Variants in SEC23B observed in about 807,000 individuals in gnomAD.
SEC23B encodes the protein SEC23 homolog B, COPII component, also known as protein transport protein Sec23B.
SEC23B carries 77 observed loss-of-function variants against 104.3 expected under a neutral mutation model. That is an observed-to-expected ratio of 0.74 (90% confidence interval 0.61 to 0.89). The LOEUF is 0.89. Ranked by LOEUF, SEC23B falls within the 40% of genes least tolerant of loss-of-function variation. The pLI is 0.00. For synonymous variants in SEC23B, 338 were observed against 332.5 expected (o/e 1.02, Z -0.18); for missense variants, 885 against 949.4 (o/e 0.93, Z 0.89).
At chr20:18,521,708 G>C (rs2060085473) in intron 4 of SEC23B, among the ~76,000 whole-genome samples, 1 of 152,086 alleles carries the variant, frequency 6.6e-6, no homozygotes, top group African/African-American at 2.4e-5. Context: ...GGGGAGAAGG[G>C]GAGAGGTCAG....
At chr20:18,533,423 G>C (rs932521610) in intron 11 of SEC23B, among the ~76,000 whole-genome samples, 13 of 152,160 alleles carry the variant, frequency 8.5e-5, no homozygotes, top group Non-Finnish European at 1.5e-4. Flanking sequence ...TCAATGGGAG[G>C]GTAGACCATA....
At chr20:18,542,253 G>GT (rs1386218044) in intron 12 of SEC23B, 43 bp from the exon 13 acceptor site, 3 of 1,544,290 alleles carry the variant, frequency 1.9e-6, no homozygotes, top group Non-Finnish European at 2.7e-6. Flanking sequence ...CCGTGTTTGA[G>GT]TTGCGCCTAT....
chr20:18,514,856 C>T (rs997124007), intron 3 of SEC23B, among the ~76,000 whole-genome samples: 2 of 152,162 alleles, frequency 1.3e-5, no homozygotes, highest in African/African-American at 4.8e-5. Flanking sequence ...TTTTCCTGGA[C>T]TTGCCAATTT....
intron 9 of SEC23B, among the ~76,000 whole-genome samples, chr20:18,530,277 A>T (rs1420747732): frequency 1.3e-5 from 2 of 151,826 alleles, no homozygotes; most frequent in Non-Finnish European, 2.9e-5. Flanking sequence ...TTTGAGAAAC[A>T]GTCTTGCTCT....
intron 19 of SEC23B, among the ~76,000 whole-genome samples, chr20:18,557,532 TTACTC>T (rs1379973822): frequency 1.3e-5 from 2 of 152,098 alleles, no homozygotes; most frequent in African/African-American, 2.4e-5. Context: ...TTTCAACACT[TTACTC>T]TCCTCCATCG....
intron 18 of SEC23B, 53 bp from the exon 19 acceptor site, chr20:18,555,055 T>C: frequency 6.6e-7 from 1 of 1,513,706 alleles, no homozygotes. Flanking sequence ...GTTACATTAA[T>C]ATTAATGTCA....
At chr20:18,522,993 G>A (rs2060097767) in intron 4 of SEC23B, among the ~76,000 whole-genome samples, 2 of 152,026 alleles carry the variant, frequency 1.3e-5, no homozygotes, top group South Asian at 4.1e-4. Flanking sequence ...CGTGAACCCA[G>A]GAGGTGGAAC....
intron 12 of SEC23B, among the ~76,000 whole-genome samples, chr20:18,537,603 G>A (rs999844470): frequency 6.6e-6 from 1 of 152,046 alleles, no homozygotes; most frequent in Non-Finnish European, 1.5e-5. Context: ...GGGGAAGGGG[G>A]GAGGAATAAC....
chr20:18,530,749 T>C lies in SEC23B; in HGVS notation c.1179T>C (p.Thr393=), dbSNP rs761354965. ...LFKQTFQRIF[T]KDFNGDFRMA... Reference sequence around the variant, plus strand: ...AGCAGACATTCCAAAGAATCTTTACTAAAGATTTTAATGGAGATTTCCGAA... The same window carrying C: ...AGCAGACATTCCAAAGAATCTTTACCAAAGATTTTAATGGAGATTTCCGAA... Residue 393 remains threonine, a synonymous_variant, in exon 10 of 20, where the codon ACT becomes ACC. Coordinates refer to ENST00000650089, the MANE Select transcript of SEC23B (RefSeq NM_006363.6). The C allele has an allele frequency of 2.5e-5, 40 of 1,613,532 alleles. No homozygotes were observed. Among genetic ancestry groups the C allele is most frequent in the Non-Finnish European group, 3.3e-5 (39 of 1,179,630 alleles).
intron 12 of SEC23B, among the ~76,000 whole-genome samples, chr20:18,539,442 G>T (rs1221300794): frequency 1.3e-5 from 2 of 148,920 alleles, no homozygotes; most frequent in African/African-American, 4.9e-5. Context: ...CCCAGGAGGC[G>T]GAGGTTGCAG....
At position 18,535,762 on chromosome 20, in the gene SEC23B, A is replaced by G; in HGVS notation, c.1404+20A>G. On this transcript the variant is annotated intron_variant, in intron 12 of 19. Coordinates refer to ENST00000650089, the MANE Select transcript of SEC23B (RefSeq NM_006363.6). ...AATCAGGTGAGTTGGATTTCTTCACATGTCTTCATGTCTTAGTGTCCTGTT... is the reference window on the plus strand; with the variant it reads ...AATCAGGTGAGTTGGATTTCTTCACGTGTCTTCATGTCTTAGTGTCCTGTT... 8 of 1,541,290 alleles carry G rather than the reference A, an allele frequency of 5.2e-6. No individual in the cohort carries two copies. The highest frequency in any genetic ancestry group is 6.3e-6 in the Non-Finnish European group (7 of 1,115,708).
chr20:18,545,546 C>T (rs1052477272), intron 14 of SEC23B, among the ~76,000 whole-genome samples: 4 of 152,160 alleles, frequency 2.6e-5, no homozygotes, highest in African/African-American at 9.7e-5. Context: ...CATTGTGGTT[C>T]AGAAGTCTGC....
At chr20:18,526,276 G>T in intron 7 of SEC23B, 97 bp from the exon 8 acceptor site, 2 of 1,362,102 alleles carry the variant, frequency 1.5e-6, no homozygotes, top group Non-Finnish European at 1.0e-6. Flanking sequence ...AGGACAGCTG[G>T]AGAGAATGCA....
In SEC23B at chr20:18,524,945, G is replaced by A; in HGVS notation, c.614G>A (p.Gly205Asp). The change falls in exon 6 of 20, where the codon GGC becomes GAC. Residue 205 changes from glycine to aspartate, a missense_variant. Gly to Asp is a moderately conservative substitution (Grantham distance 94, BLOSUM62 -1). Coordinates refer to ENST00000650089, the MANE Select transcript of SEC23B (RefSeq NM_006363.6). ...TTTTTTTTTTTTAAGGATATGTTGG[G>A]CCTGACCAAGCCAGCCATGCCCATG... Reference protein sequence around the residue: ...LTAKQIQDMLGLTKPAMPMQQ... With the variant: ...LTAKQIQDMLDLTKPAMPMQQ... 1.2e-6 allele frequency: 2 copies of A among 1,613,658 alleles called. No individual in the cohort carries two copies. Among genetic ancestry groups the A allele is most frequent in the South Asian group, 2.2e-5 (2 of 91,066 alleles).
chr20:18,554,086 T>TAC, intron 17 of SEC23B, 149 bp from the exon 18 acceptor site: 2 of 912,040 alleles, frequency 2.2e-6, no homozygotes, highest in Admixed American at 4.1e-5. Context: ...CCGGTAGCTC[T>TAC]GCTTTGCTCT....
At chr20:18,530,116 C>T (rs962943091) in intron 9 of SEC23B, among the ~76,000 whole-genome samples, 1 of 152,114 alleles carries the variant, frequency 6.6e-6, no homozygotes, top group Non-Finnish European at 1.5e-5. Flanking sequence ...TTTCCCATAC[C>T]AAAGAACTGT....
At chr20:18,546,832 G>T (rs2060336679) in intron 15 of SEC23B, among the ~76,000 whole-genome samples, 1 of 152,038 alleles carries the variant, frequency 6.6e-6, no homozygotes, top group African/African-American at 2.4e-5. Context: ...CTTAGAGGAG[G>T]TTCCAAAGCC....
intron 3 of SEC23B, among the ~76,000 whole-genome samples, chr20:18,514,603 C>T (rs2060008755): frequency 6.6e-6 from 1 of 152,132 alleles, no homozygotes; most frequent in African/African-American, 2.4e-5. Context: ...TAATGTAAAG[C>T]TAAAGACTAT....
intron 1 of SEC23B, among the ~76,000 whole-genome samples, chr20:18,509,393 G>A (rs1179843676): frequency 6.6e-6 from 1 of 152,172 alleles, no homozygotes; most frequent in African/African-American, 2.4e-5. Context: ...AAGTGGGCGC[G>A]AGAGGCCACT....
Sources: allele counts gnomAD v4.1 joint callset (sites outside exome capture counted in the v4.1 genomes callset), GRCh38; gene constraint gnomAD v4.1.1; transcripts MANE v1.5; gene names NCBI Gene and HGNC (gene_info 2026-07-23, HGNC 2026-07-21).